DENND2B: variants seen among roughly 807,000 people sequenced by gnomAD.
DENND2B encodes the protein DENN domain containing 2B, also known as DENN domain-containing protein 2B.
In DENND2B, 32 loss-of-function variants were observed where a neutral mutation model predicts 116.0. The observed-to-expected ratio is 0.28, with a 90% CI of 0.21 to 0.37. DENND2B has a LOEUF of 0.37. DENND2B is among the 10% of genes least tolerant of loss of function. The pLI is 1.00. For missense variants in DENND2B, 1,276 were observed against 1,477.7 expected (o/e 0.86, Z 2.24); for synonymous variants, 588 against 583.9 (o/e 1.01, Z -0.10).
intron 2 of DENND2B, among the ~76,000 whole-genome samples, chr11:8,738,332 T>C (rs758965974): frequency 1.3e-5 from 2 of 152,206 alleles, no homozygotes; most frequent in African/African-American, 2.4e-5. Flanking sequence ...CTTTTCTCAC[T>C]AAATGCTCTT....
intron 4 of DENND2B, among the ~76,000 whole-genome samples, chr11:8,722,766 C>T (rs148096120): frequency 6.6e-6 from 1 of 152,262 alleles, no homozygotes; most frequent in East Asian, 1.9e-4. Context: ...GGAAACCACC[C>T]CCACCACCCC....
At chr11:8,848,400 G>A (rs965963950) in intron 3 of DENND2B, among the ~76,000 whole-genome samples, 1 of 152,110 alleles carries the variant, frequency 6.6e-6, no homozygotes, top group Non-Finnish European at 1.5e-5. Flanking sequence ...GTTAAATAGG[G>A]AAAGAGCAAT....
intron 1 of DENND2B, among the ~76,000 whole-genome samples, chr11:8,787,578 A>C (rs2059026264): frequency 6.6e-6 from 1 of 152,212 alleles, no homozygotes; most frequent in African/African-American, 2.4e-5. Context: ...AAAACTCATA[A>C]AAACACGTAA....
intron 1 of DENND2B, among the ~76,000 whole-genome samples, chr11:8,894,831 G>A (rs1180494912): frequency 1.3e-5 from 2 of 152,218 alleles, no homozygotes; most frequent in African/African-American, 2.4e-5. Context: ...CATTGTGGAA[G>A]AGAGTGTGGC....
chr11:8,775,659 C>A (rs1243395107), intron 1 of DENND2B, among the ~76,000 whole-genome samples: 3 of 152,156 alleles, frequency 2.0e-5, no homozygotes, highest in Non-Finnish European at 4.4e-5. Context: ...GGAAGCAGGA[C>A]CCAGGAGGAA....
chr11:8,776,545 C>G, intron 1 of DENND2B: 1 of 269,656 alleles, frequency 3.7e-6, no homozygotes, highest in South Asian at 4.0e-5. Context: ...AACCACCAGA[C>G]ATCGCAGGCA....
chr11:8,850,993 G>A (rs1489596581), intron 3 of DENND2B, among the ~76,000 whole-genome samples: 1 of 152,160 alleles, frequency 6.6e-6, no homozygotes, highest in Non-Finnish European at 1.5e-5. Flanking sequence ...CATAGAAACA[G>A]AGGGTAAAAT....
chr11:8,778,976 T>C (rs1406245679), intron 1 of DENND2B, among the ~76,000 whole-genome samples: 2 of 152,242 alleles, frequency 1.3e-5, no homozygotes, highest in Admixed American at 6.5e-5. Context: ...CAAGTTCCAA[T>C]AGCAGGCTCC....
At chr11:8,843,543 A>G (rs1411685803) in intron 3 of DENND2B, among the ~76,000 whole-genome samples, 1 of 152,184 alleles carries the variant, frequency 6.6e-6, no homozygotes, top group African/African-American at 2.4e-5. Flanking sequence ...ACTGGGAAGG[A>G]AGCACCCCTT....
chr11:8,869,411 C>A (rs2568066), intron 2 of DENND2B, among the ~76,000 whole-genome samples: 134 of 152,248 alleles, frequency 8.8e-4, no homozygotes, highest in African/African-American at 3.0e-3. Flanking sequence ...GCCTGTAATT[C>A]CAGCACTTTG....
intron 3 of DENND2B, chr11:8,845,467 A>G (rs1319320198): frequency 6.6e-6 from 1 of 152,240 alleles, no homozygotes; most frequent in Non-Finnish European, 1.5e-5. Context: ...AATGCCTTCA[A>G]TTTTGTTGAA....
At chr11:8,743,573 ATTAC>A (rs2050654405) in intron 2 of DENND2B, among the ~76,000 whole-genome samples, 1 of 151,874 alleles carries the variant, frequency 6.6e-6, no homozygotes, top group Non-Finnish European at 1.5e-5. Flanking sequence ...TTTTTTTTAA[ATTAC>A]TTAAAGTGTT....
At chr11:8,750,233 T>G (rs948251519) in intron 2 of DENND2B, among the ~76,000 whole-genome samples, 3 of 152,182 alleles carry the variant, frequency 2.0e-5, no homozygotes, top group African/African-American at 7.2e-5. Context: ...GCTTGGAGTT[T>G]GTGCTAATAT....
chr11:8,779,909 G>A (rs1196942872), intron 1 of DENND2B, among the ~76,000 whole-genome samples: 1 of 152,184 alleles, frequency 6.6e-6, no homozygotes, highest in Non-Finnish European at 1.5e-5. Context: ...ACATCCCATT[G>A]AAATTCCTGG....
intron 1 of DENND2B, among the ~76,000 whole-genome samples, chr11:8,762,289 T>C (rs1309135848): frequency 6.6e-6 from 1 of 152,174 alleles, no homozygotes; most frequent in African/African-American, 2.4e-5. Context: ...TCCGATACCA[T>C]GTGCTCAAAC....
intron 3 of DENND2B, among the ~76,000 whole-genome samples, chr11:8,843,297 C>G (rs1404568104): frequency 1.3e-4 from 20 of 152,120 alleles, no homozygotes; most frequent in Admixed American, 1.3e-3. Context: ...CGCGAGCCAC[C>G]GTGCCCGGCC....
intron 1 of DENND2B, chr11:8,766,621 A>T (rs10743089): frequency 0.65 from 831,225 of 1,288,078 alleles, 271,293 homozygotes; most frequent in Non-Finnish European, 0.67. Flanking sequence ...CTGGGTGAAG[A>T]TCTGCACGAA....
chr11:8,806,260 C>G (rs2060825994), intron 1 of DENND2B, among the ~76,000 whole-genome samples: 1 of 152,090 alleles, frequency 6.6e-6, no homozygotes. Context: ...TTCCAACAGT[C>G]CATCTCCAGC....
intron 1 of DENND2B, among the ~76,000 whole-genome samples, chr11:8,898,879 T>G (rs2064132644): frequency 6.6e-6 from 1 of 152,186 alleles, no homozygotes; most frequent in South Asian, 2.1e-4. Flanking sequence ...TGGAAACTTT[T>G]TCTGTAGGGG....
Sources: allele counts gnomAD v4.1 joint callset (sites outside exome capture counted in the v4.1 genomes callset), GRCh38; gene constraint gnomAD v4.1.1; transcripts MANE v1.5; gene names NCBI Gene and HGNC (gene_info 2026-07-23, HGNC 2026-07-21).